OPLAH: variants seen among roughly 807,000 people sequenced by gnomAD.
OPLAH encodes 5-oxoprolinase.
OPLAH carries 103 observed loss-of-function variants against 122.8 expected under a neutral mutation model. The ratio of observed to expected loss-of-function variants is 0.84; its 90% CI spans 0.71 to 0.99. The LOEUF (loss-of-function observed/expected upper bound fraction) is 0.99. Ranked by LOEUF, OPLAH falls within the 50% of genes least tolerant of loss-of-function variation. The pLI is 0.00. For synonymous variants in OPLAH, 875 were observed against 796.0 expected (o/e 1.10, Z -1.67); for missense variants, 1,902 against 1,836.5 (o/e 1.04, Z -0.65).
At chr8:144,063,536 C>T (rs982086901), upstream of OPLAH, among the ~76,000 whole-genome samples, 1 of 152,224 alleles carries the variant, frequency 6.6e-6, no homozygotes, top group African/African-American at 2.4e-5. The surrounding 1 kb of genome is among the most constrained non-coding windows in gnomAD (Gnocchi z 4.2). Flanking sequence ...GCAGCTCCCT[C>T]GCCCGCTCAG....
At position 144,057,682 on chromosome 8, in the gene OPLAH, C is replaced by T; in HGVS notation, c.1188G>A (p.Leu396=). 6.8e-6 allele frequency: 11 copies of T among 1,608,790 alleles called. No homozygotes were observed. Among genetic ancestry groups the T allele is most frequent in the Non-Finnish European group, 9.3e-6 (11 of 1,177,620 alleles). ...GGPVTVTDAN[L]VLGRLLPASF... is the part of the protein sequence containing the mutation. ...AGGCAGGCAGCAGGCGACCCAGGAC[C>T]AGATTAGCATCCGTCACTGTCACAG... The change falls in exon 10 of 27, where the codon CTG becomes CTA. Residue 396 remains leucine, a synonymous_variant. Transcript: ENST00000618853.
rs1477196374 is a variant in OPLAH, at chr8:144,056,260, C to G, written c.1984-1G>C. On this transcript the variant is annotated splice_acceptor_variant, in intron 14 of 26. Transcript: ENST00000618853. LOFTEE classifies it high-confidence loss of function. The stretch of plus-strand genomic sequence containing the variant: ...CCCCCTCAAAGTAGCACTGGGTCAT[C>G]TGCAGAGGGTGCGGGTGAGTACAGC... The G allele has an allele frequency of 6.2e-7, 1 of 1,610,666 alleles. No homozygotes were observed. The highest frequency in any genetic ancestry group is 8.5e-7 in the Non-Finnish European group (1 of 1,178,300).
chr8:144,051,462 C>G lies in OPLAH; in HGVS notation c.3731G>C (p.Cys1244Ser). The stretch of plus-strand genomic sequence containing the variant: ...GCCACCGCCGCCGGGCGTGTGGAGA[C>G]AGAACACATCCTGTTGGCGCGGGGG... ...SVTVYPGDVF[C>S]LHTPGGGGYG... The change falls in exon 27 of 27, where the codon TGT becomes TCT. Residue 1244 changes from cysteine (C) to serine (S), a missense_variant. By Grantham distance (112) the Cys-to-Ser change is moderately radical. This residue lies in a region of OPLAH where 1,726 missense variants were observed against 1,642.1 expected (regional missense o/e 1.05). Transcript: ENST00000618853. 2 of 1,450,114 alleles carry G rather than the reference C, an allele frequency of 1.4e-6. No homozygotes were observed. The allele number at this position is 1,450,114 out of a possible 1,614,324, so 89.8% of individuals were successfully genotyped here. A position where few individuals can be genotyped will look rare whatever the true frequency, so the allele number is the denominator to read the frequency against.
Position 144,058,330 on chromosome 8 carries a change from C to G in OPLAH, c.858G>C (p.Val286=). 1 of 1,600,786 alleles carries G rather than the reference C, an allele frequency of 6.2e-7. No individual in the cohort carries two copies. The highest frequency in any genetic ancestry group is 8.5e-7 in the Non-Finnish European group (1 of 1,175,912). The change falls in exon 7 of 27, where the codon GTG becomes GTC. Residue 286 remains valine, a synonymous_variant. Coordinates refer to ENST00000618853, the MANE Select transcript of OPLAH (RefSeq NM_017570.5). ...PMDTFSGSSA[V]LSGPAGGVVG... ...CCACGCCGCCGGCCGGGCCCGAGAGCACAGCACTGGAGCCGCTGAAGGTGT... is the reference window on the plus strand; with the variant it reads ...CCACGCCGCCGGCCGGGCCCGAGAGGACAGCACTGGAGCCGCTGAAGGTGT...
In OPLAH at chr8:144,059,667, G is replaced by A; in HGVS notation, c.295C>T (p.Leu99=). The change falls in exon 3 of 27, where the codon CTG becomes TTG. Residue 99 remains leucine, a synonymous_variant. Coordinates refer to ENST00000618853, the MANE Select transcript of OPLAH (RefSeq NM_017570.5). ...LERKGERVAL[L]VTRGFRDLLH... ...AGGTCTCGGAAGCCACGTGTCACCA[G>A]CAGCGCCACCCGCTCCCCCTTCCGC... 1 of 1,612,542 alleles carries A rather than the reference G, an allele frequency of 6.2e-7. No individual in the cohort carries two copies. The highest frequency in any genetic ancestry group is 1.7e-5 in the Admixed American group (1 of 60,024).
chr8:144,063,398 G>A (rs2129877899), upstream of OPLAH, among the ~76,000 whole-genome samples: 1 of 152,346 alleles, frequency 6.6e-6, no homozygotes, highest in Non-Finnish European at 1.5e-5. The surrounding 1 kb of genome is among the most constrained non-coding windows in gnomAD (Gnocchi z 4.2). Flanking sequence ...CCACCAGAGA[G>A]CGCAGGGCTG....
At position 144,052,860 on chromosome 8, in the gene OPLAH, A is replaced by G; in HGVS notation, c.3059T>C (p.Val1020Ala). Residue 1020 changes from valine (V) to alanine (A), a missense_variant, in exon 22 of 27, where the codon GTG becomes GCG. This residue lies in a region of OPLAH where 1,726 missense variants were observed against 1,642.1 expected (regional missense o/e 1.05). Coordinates refer to ENST00000618853, the MANE Select transcript of OPLAH (RefSeq NM_017570.5). ...VFDFSGTGPE[V>A]FGNLNAPRAV... Reference sequence around the variant, plus strand: ...CCGCGGTGCGTTGAGATTACCAAACACCTCCGGCCCAGTGCCGCTGAAGTC... The same window carrying G: ...CCGCGGTGCGTTGAGATTACCAAACGCCTCCGGCCCAGTGCCGCTGAAGTC... 9.7e-6 allele frequency: 15 copies of G among 1,553,666 alleles called. No homozygotes were observed. Among genetic ancestry groups the G allele is most frequent in the Non-Finnish European group, 1.3e-5 (15 of 1,149,248 alleles).
In OPLAH at chr8:144,058,393, C is replaced by T. The variant is rs1554759984; in HGVS notation, c.795G>A (p.Val265=). 1 of 1,592,008 alleles carries T rather than the reference C, an allele frequency of 6.3e-7. No homozygotes were observed. The highest frequency in any genetic ancestry group is 1.3e-5 in the African/African-American group (1 of 74,740). Residue 265 remains valine, a synonymous_variant, in exon 7 of 27, where the codon GTG becomes GTA. Transcript: ENST00000618853. ...GGCCGCCATCGGAGCGCATGAACAA[C>T]ACCTGCACATCCTGCGAGCGGGCAG... ...GFQGQLKDVQ[V]LFMRSDGGLA... is the part of the protein sequence containing the mutation.
rs1554759593 is a variant in OPLAH, at chr8:144,057,487, G to A, written c.1383C>T (p.Ala461=). 6.3e-7 allele frequency: 1 copy of A among 1,596,044 alleles called. No individual in the cohort carries two copies. The highest frequency in any genetic ancestry group is 1.8e-5 in the Admixed American group (1 of 56,914). The stretch of plus-strand genomic sequence containing the variant: ...GGATGGGCCGGCACATGGCCTCGTT[G>A]GCCACGCGCACGAACCCCATGGCCA... ...EEVAMGFVRV[A]NEAMCRPIRA... is the part of the protein sequence containing the mutation. The change falls in exon 10 of 27, where the codon GCC becomes GCT. Residue 461 remains alanine (A), a synonymous_variant. Coordinates refer to ENST00000618853, the MANE Select transcript of OPLAH (RefSeq NM_017570.5).
At chr8:144,060,111 G>A in intron 1 of OPLAH, 26 bp from the exon 2 acceptor site, 3 of 1,478,854 alleles carry the variant, frequency 2.0e-6, no homozygotes, top group Admixed American at 4.3e-5. Context: ...GTCAGCCCGG[G>A]CTCACCTGCG....
intron 3 of OPLAH, 86 bp downstream of exon 3, chr8:144,059,513 T>G: frequency 7.2e-7 from 1 of 1,387,080 alleles, no homozygotes; most frequent in Non-Finnish European, 9.8e-7. Context: ...CCATCACTAA[T>G]CCAACAACTG....
chr8:144,057,872 G>T lies in OPLAH; in HGVS notation c.1140C>A (p.Pro380=). 1 of 1,611,912 alleles carries T rather than the reference G, an allele frequency of 6.2e-7. No individual in the cohort carries two copies. The change falls in exon 9 of 27, where the codon CCC becomes CCA. Residue 380 remains proline (P), a synonymous_variant. Transcript: ENST00000618853. Reference sequence around the variant, plus strand: ...GACTCTTACCTTTGCGGTAGCAGGCGGGTCCTGGGTGGGCTCCTGCTGACT... The same window carrying T: ...GACTCTTACCTTTGCGGTAGCAGGCTGGTCCTGGGTGGGCTCCTGCTGACT... ...GPESAGAHPG[P]ACYRKGGPVT... is the part of the protein sequence containing the mutation.
chr8:144,055,317 G>T lies in OPLAH; in HGVS notation c.2249-128C>A. 1 of 998,926 alleles carries T rather than the reference G, an allele frequency of 1.0e-6. No homozygotes were observed. Among genetic ancestry groups the T allele is most frequent in the Non-Finnish European group, 1.4e-6 (1 of 731,300 alleles). The allele number at this position is 998,926 out of a possible 1,614,324, so 61.9% of individuals were successfully genotyped here. ...GAAAAACCCAGCAGCTTTTTCCTGG[G>T]GAAGACCAAGTTGACGGTGTGCCCA... On this transcript the variant is annotated intron_variant, in intron 16 of 26. Transcript: ENST00000618853. The surrounding 1 kb of genome is among the most constrained non-coding windows in gnomAD (Gnocchi z 6.5).
At chr8:144,050,344 G>A (rs1587546937), downstream of OPLAH, 2 of 982,480 alleles carry the variant, frequency 2.0e-6, no homozygotes, top group East Asian at 1.2e-4. Flanking sequence ...GCCGCTGCTG[G>A]ACTGGGCCGA....
intron 1 of OPLAH, 68 bp from the exon 2 acceptor site, chr8:144,060,153 T>C: frequency 7.0e-6 from 8 of 1,147,212 alleles, no homozygotes; most frequent in Non-Finnish European, 9.6e-6. Context: ...GCCCTGCGCA[T>C]GCGGGGGGTT....
chr8:144,057,561 A>G lies in OPLAH; in HGVS notation c.1309T>C (p.Phe437Leu). Residue 437 changes from phenylalanine to leucine, a missense_variant, in exon 10 of 27, where the codon TTC (phenylalanine) becomes CTC (leucine). Phe to Leu is a conservative substitution (Grantham distance 22, BLOSUM62 0). Coordinates refer to ENST00000618853, the MANE Select transcript of OPLAH (RefSeq NM_017570.5). Reference sequence around the variant, plus strand: ...GCCGGGCAGGGCCCGTTGGTCAGGAAGCTGTTGACCTCAGTGGCCACAGCC... The same window carrying G: ...GCCGGGCAGGGCCCGTTGGTCAGGAGGCTGTTGACCTCAGTGGCCACAGCC... ...LEAVATEVNS[F>L]LTNGPCPASP... The G allele has an allele frequency of 6.3e-7, 1 of 1,587,470 alleles. No individual in the cohort carries two copies. The highest frequency in any genetic ancestry group is 8.6e-7 in the Non-Finnish European group (1 of 1,167,318).
Position 144,055,735 on chromosome 8 carries a change from C to G in OPLAH, c.2248+53G>C, listed in dbSNP as rs1258335866. On this transcript the variant is annotated intron_variant, in intron 16 of 26. Transcript: ENST00000618853. The surrounding 1 kb of genome is among the most constrained non-coding windows in gnomAD (Gnocchi z 6.5). ...TTTGGGCACAGCCCTGCCAGCTACC[C>G]CATGACACAGCCGGCGCCTCATCCC... 9.6e-5 allele frequency: 139 copies of G among 1,444,974 alleles called. No homozygotes were observed. Among genetic ancestry groups the G allele is most frequent in the Non-Finnish European group, 1.2e-4 (134 of 1,093,940 alleles). 89.5% of individuals were successfully genotyped at this position (1,444,974 alleles called of 1,614,324 possible). A position where few individuals can be genotyped will look rare whatever the true frequency, so the allele number is the denominator to read the frequency against.
At chr8:144,050,887 C>T (rs1835356615), downstream of OPLAH, 2 of 998,886 alleles carry the variant, frequency 2.0e-6, no homozygotes, top group Non-Finnish European at 2.4e-6. Context: ...GTAGGCACTG[C>T]CCGCCCGAAG....
rs782415814 is a variant in OPLAH at position 144,052,004 on chromosome 8, G to A, written c.3534C>T (p.Asp1178=). 1 of 1,586,940 alleles carries A rather than the reference G, an allele frequency of 6.3e-7. No homozygotes were observed. Among genetic ancestry groups the A allele is most frequent in the Non-Finnish European group, 8.5e-7 (1 of 1,175,080 alleles). Residue 1178 remains aspartate, a synonymous_variant, in exon 25 of 27, where the codon GAC becomes GAT. Transcript: ENST00000618853. ...GAAAGAGCAGCTCGCGGGTGACGCC[G>A]TCGCCGCCTCGGAAGCGGCCTCTGC... ...SGGRGRFRGG[D]GVTRELLFRE...
Sources: allele counts gnomAD v4.1 joint callset (sites outside exome capture counted in the v4.1 genomes callset), GRCh38; gene constraint gnomAD v4.1.1; regional missense constraint gnomAD v4.1.1; non-coding constraint Gnocchi (gnomAD v3.1); transcripts MANE v1.5; gene names NCBI Gene and HGNC (gene_info 2026-07-23, HGNC 2026-07-21).